Variants in EML6 observed in about 807,000 individuals in gnomAD.
EML6 encodes the protein echinoderm microtubule-associated protein-like 6.
Under a neutral mutation model 240.1 loss-of-function variants are expected in EML6, and 154 were observed. The observed-to-expected ratio is 0.64, with a 90% CI of 0.56 to 0.73. The LOEUF is 0.73. Among genes scored for constraint, EML6 ranks in the 30% least tolerant of loss-of-function variants. EML6 has a pLI of 0.00. For missense variants in EML6, 2,964 were observed against 2,474.6 expected (o/e 1.20, Z -4.20); for synonymous variants, 1,148 against 899.0 (o/e 1.28, Z -4.95).
intron 7 of EML6, among the ~76,000 whole-genome samples, chr2:54,835,045 G>A (rs1669066124): frequency 1.3e-5 from 2 of 151,902 alleles, no homozygotes; most frequent in Non-Finnish European, 2.9e-5. Context: ...CCTTCCCCTC[G>A]CTGCTTCTCC....
At chr2:54,907,957 A>AT (rs1317698015) in intron 24 of EML6, among the ~76,000 whole-genome samples, 1 of 50,958 alleles carries the variant, frequency 2.0e-5, no homozygotes, top group Non-Finnish European at 4.9e-5. Flanking sequence ...AGATAGATAG[A>AT]TAGATAGATA....
chr2:54,860,307 A>G (rs73938639), intron 12 of EML6, among the ~76,000 whole-genome samples: 6,185 of 152,246 alleles, frequency 0.041, 440 homozygotes, highest in African/African-American at 0.14. Context: ...TCTCTAGACC[A>G]TGGGAAAGAA....
chr2:54,774,385 G>A lies in EML6; in HGVS notation c.198-38847G>A, dbSNP rs929315517. On this transcript the variant is annotated intron_variant, in intron 2 of 41. Transcript: ENST00000356458. The surrounding 1 kb of genome is among the most constrained non-coding windows in gnomAD (Gnocchi z 4.1). ...CATTAGGTACAGGCCATTATGGGAA[G>A]AAGGGTGACTGTGGGTGAGGGAGCC... Among the ~76,000 whole-genome samples the A allele has an allele frequency of 6.6e-6, 1 of 152,168 alleles. No individual in the cohort carries two copies. Among genetic ancestry groups the A allele is most frequent in the Admixed American group, 6.5e-5 (1 of 15,284 alleles).
chr2:54,927,076 A>G (rs529051539), intron 26 of EML6, among the ~76,000 whole-genome samples: 2 of 152,298 alleles, frequency 1.3e-5, no homozygotes, highest in South Asian at 4.2e-4. Context: ...TGGAACTCAC[A>G]TGTTCAAATG....
chr2:54,905,321 G>GACACAC lies in EML6; in HGVS notation c.3409+1871_3409+1876dup, dbSNP rs70944194. 9.8e-3 allele frequency among the ~76,000 whole-genome samples: 1,191 copies of GACACAC among 121,598 alleles called. 14 individuals carry two copies. The highest frequency in any genetic ancestry group is 0.025 in the African/African-American group (779 of 31,632). 79.8% of individuals were successfully genotyped at this position (121,598 alleles called of 152,430 possible). A position where few individuals can be genotyped will look rare whatever the true frequency, so the allele number is the denominator to read the frequency against. On this transcript the variant is annotated intron_variant, in intron 24 of 41. Transcript: ENST00000356458. ...GTCTGATTAACTTTATTTAGAATCC[G>GACACAC]ACACACACACACACACACACACACA... is the stretch of plus-strand genomic sequence containing the variant.
Position 54,863,772 on chromosome 2 carries a change from T to C in EML6, c.1826-11T>C. ...ATTTTTGCTTGTTTCTTGTGGGTTG[T>C]ATCTCTGCAGAAGGTGGAGCTGATT... On this transcript the variant is annotated splice_polypyrimidine_tract_variant and intron_variant, in intron 12 of 41. Transcript: ENST00000356458. 6.8e-7 allele frequency: 1 copy of C among 1,462,972 alleles called. No homozygotes were observed. Among genetic ancestry groups the C allele is most frequent in the Non-Finnish European group, 9.3e-7 (1 of 1,069,932 alleles). The allele number at this position is 1,462,972 out of a possible 1,614,324, so 90.6% of individuals were successfully genotyped here.
At chr2:54,811,821 T>A (rs114413151) in intron 2 of EML6, among the ~76,000 whole-genome samples, 1,846 of 152,320 alleles carry the variant, frequency 0.012, 26 homozygotes, top group African/African-American at 0.037. Context: ...GGGTCCTTTC[T>A]TATTGATAAT....
At chr2:54,932,451 A>T (rs1025115782) in intron 28 of EML6, among the ~76,000 whole-genome samples, 1 of 152,180 alleles carries the variant, frequency 6.6e-6, no homozygotes, top group African/African-American at 2.4e-5. Context: ...CTTGACGCTA[A>T]TTCTGGTCTA....
intron 2 of EML6, among the ~76,000 whole-genome samples, chr2:54,803,810 T>A (rs1370303213): frequency 6.6e-6 from 1 of 152,220 alleles, no homozygotes; most frequent in Non-Finnish European, 1.5e-5. Flanking sequence ...TCTCCTCCTC[T>A]TAGAGTGTTA....
chr2:54,920,907 T>G (rs1674211661), intron 26 of EML6, among the ~76,000 whole-genome samples: 2 of 152,034 alleles, frequency 1.3e-5, no homozygotes, highest in African/African-American at 4.8e-5. Context: ...AGGATAAAAA[T>G]CATTTGATTA....
chr2:54,850,308 G>A (rs1192385996), intron 10 of EML6, 90 bp downstream of exon 10: 1 of 1,210,146 alleles, frequency 8.3e-7, no homozygotes, highest in African/African-American at 1.5e-5. Context: ...GGCTCTTTTA[G>A]AATTTGTACA....
At chr2:54,885,216 G>C (rs76615923) in intron 17 of EML6, among the ~76,000 whole-genome samples, 1 of 151,892 alleles carries the variant, frequency 6.6e-6, no homozygotes, top group South Asian at 2.1e-4. Context: ...AGGTTGAGGC[G>C]GGCGGATCAC....
chr2:54,762,332 G>T lies in EML6; in HGVS notation c.197+37074G>T, dbSNP rs552566731. 3.1e-3 allele frequency among the ~76,000 whole-genome samples: 475 copies of T among 152,248 alleles called. 2 individuals are homozygous for T. Among genetic ancestry groups the T allele is most frequent in the Non-Finnish European group, 6.0e-3 (406 of 67,988 alleles). The stretch of plus-strand genomic sequence containing the variant: ...GTCCTCCTCAGAACATCACGGATGG[G>T]AATGCATGATGTCTATCCACTCATT... On this transcript the variant is annotated intron_variant, in intron 2 of 41. Coordinates refer to ENST00000356458, the MANE Select transcript of EML6 (RefSeq NM_001039753.4).
At chr2:54,947,099 C>G (rs573288845) in intron 28 of EML6, among the ~76,000 whole-genome samples, 5 of 152,086 alleles carry the variant, frequency 3.3e-5, no homozygotes, top group Non-Finnish European at 7.4e-5. Context: ...CAAATAATGC[C>G]TTATGAGCCA....
At chr2:54,900,029 G>A (rs150397424) in intron 22 of EML6, among the ~76,000 whole-genome samples, 2 of 152,278 alleles carry the variant, frequency 1.3e-5, no homozygotes, top group African/African-American at 2.4e-5. Flanking sequence ...TTTGCCACCT[G>A]GGGGCAATAT....
intron 8 of EML6, among the ~76,000 whole-genome samples, chr2:54,845,077 C>G (rs1669676282): frequency 6.6e-6 from 1 of 152,194 alleles, no homozygotes; most frequent in South Asian, 2.1e-4. Context: ...ACAATGCAAA[C>G]TGGACTAAAG....
At chr2:54,846,498 T>C (rs947175231) in intron 8 of EML6, among the ~76,000 whole-genome samples, 1 of 151,596 alleles carries the variant, frequency 6.6e-6, no homozygotes, top group Non-Finnish European at 1.5e-5. Flanking sequence ...TTTTTTTTTT[T>C]TTTGAGACAG....
intron 26 of EML6, among the ~76,000 whole-genome samples, chr2:54,924,540 CACTT>C (rs1558690958): frequency 6.6e-6 from 1 of 152,004 alleles, no homozygotes; most frequent in Non-Finnish European, 1.5e-5. Context: ...TTGATAAAAT[CACTT>C]ATTTTTTTTT....
intron 38 of EML6, among the ~76,000 whole-genome samples, chr2:54,966,491 G>A (rs1175057189): frequency 2.0e-5 from 3 of 152,168 alleles, no homozygotes; most frequent in African/African-American, 4.8e-5. Flanking sequence ...CCAGAGCACC[G>A]AGGTTCAGGT....
Sources: allele counts gnomAD v4.1 joint callset (sites outside exome capture counted in the v4.1 genomes callset), GRCh38; gene constraint gnomAD v4.1.1; non-coding constraint Gnocchi (gnomAD v3.1); transcripts MANE v1.5; gene names NCBI Gene and HGNC (gene_info 2026-07-23, HGNC 2026-07-21).